Variants in PLCL1 observed in about 807,000 individuals in gnomAD.
PLCL1 encodes phospholipase C like 1 (inactive).
PLCL1 carries 41 observed loss-of-function variants against 84.4 expected under a neutral mutation model. The ratio of observed to expected loss-of-function variants is 0.49; its 90% CI spans 0.38 to 0.63. The LOEUF (loss-of-function observed/expected upper bound fraction) is 0.63. PLCL1 is among the 30% of genes least tolerant of loss of function. PLCL1 has a pLI of 0.00. For missense variants in PLCL1, 1,206 were observed against 1,367.8 expected, an observed-to-expected ratio of 0.88 and a Z score of 1.87; for synonymous variants, 490 against 488.3, an observed-to-expected ratio of 1.00 and a Z score of -0.05.
intron 1 of PLCL1, among the ~76,000 whole-genome samples, chr2:197,958,375 C>T (rs146386160): frequency 3.4e-5 from 5 of 147,426 alleles, no homozygotes; most frequent in Middle Eastern, 3.5e-3. Context: ...AAAAAAGAAT[C>T]GCAAAAAAAA....
rs1689291271 is a variant in PLCL1, at chr2:197,947,125, T to TTC, written c.241-136633_241-136632insTC. 3.3e-5 allele frequency among the ~76,000 whole-genome samples: 5 copies of TTC among 152,054 alleles called. No homozygotes were observed. In the South Asian group the frequency reaches 8.3e-4, roughly 25 times the overall value. On this transcript the variant is annotated intron_variant, in intron 1 of 5. Coordinates refer to ENST00000428675, the MANE Select transcript of PLCL1 (RefSeq NM_006226.4). ...GGTGAACATACGTTTTCATGGAGCT[T>TTC]ATCTTTTAGGGGAGTGAGGACAGAT...
intron 5 of PLCL1, among the ~76,000 whole-genome samples, chr2:198,120,846 G>C (rs1340967955): frequency 3.3e-5 from 5 of 152,066 alleles, no homozygotes; most frequent in Admixed American, 3.3e-4. Context: ...AAGTGGGATT[G>C]CTGGATTGTA....
At chr2:198,086,265 C>G in intron 2 of PLCL1, 33 bp downstream of exon 2, 1 of 1,365,848 alleles carries the variant, frequency 7.3e-7, no homozygotes, top group Non-Finnish European at 1.0e-6. Context: ...CCTTCCCTAT[C>G]CCTGCTTATT....
intron 1 of PLCL1, among the ~76,000 whole-genome samples, chr2:197,945,586 G>A (rs755958928): frequency 2.0e-5 from 3 of 152,162 alleles, no homozygotes; most frequent in South Asian, 2.1e-4. Flanking sequence ...CTTGAGTGCC[G>A]TGGTCCCAGA....
intron 1 of PLCL1, among the ~76,000 whole-genome samples, chr2:197,866,108 CTATATATATATATAA>C (rs1559029470): frequency 0.011 from 171 of 14,972 alleles, 48 homozygotes; most frequent in Admixed American, 0.017. Flanking sequence ...TATATATAAA[CTATATATATATATAA>C]ACTATATATA....
chr2:198,004,531 C>T (rs191157393), intron 1 of PLCL1, among the ~76,000 whole-genome samples: 5 of 151,964 alleles, frequency 3.3e-5, no homozygotes, highest in Admixed American at 2.6e-4. Context: ...AAGTCAAGTT[C>T]GTGATGTATT....
At chr2:197,828,316 AC>A (rs1429275305) in intron 1 of PLCL1, among the ~76,000 whole-genome samples, 4 of 152,110 alleles carry the variant, frequency 2.6e-5, no homozygotes, top group African/African-American at 4.8e-5. Flanking sequence ...TATTATTGAG[AC>A]GTTTTGATGA....
At chr2:197,902,132 G>T (rs1213740096) in intron 1 of PLCL1, among the ~76,000 whole-genome samples, 1 of 152,092 alleles carries the variant, frequency 6.6e-6, no homozygotes, top group Non-Finnish European at 1.5e-5. Flanking sequence ...ACTGGCTGTG[G>T]CTCCAGAGAC....
chr2:198,048,546 C>A (rs1691858140), intron 1 of PLCL1, among the ~76,000 whole-genome samples: 1 of 152,176 alleles, frequency 6.6e-6, no homozygotes, highest in Admixed American at 6.5e-5. Flanking sequence ...AACTTCCAGT[C>A]ATGCAGAAGG....
rs78692581 is a variant in PLCL1, at chr2:198,051,363, T to C, written c.241-32395T>C. Among the ~76,000 whole-genome samples the C allele has an allele frequency of 9.1e-3, 1,393 of 152,332 alleles. 24 individuals carry two copies. The highest frequency in any genetic ancestry group is 0.032 in the African/African-American group (1,328 of 41,566). On this transcript the variant is annotated intron_variant, in intron 1 of 5. Transcript: ENST00000428675. Reference sequence around the variant, plus strand: ...ATACTCTATATCCAGCTTCCCCTAATGCTAACATATTACAGTTTTAGATTT... The same window carrying C: ...ATACTCTATATCCAGCTTCCCCTAACGCTAACATATTACAGTTTTAGATTT...
intron 1 of PLCL1, among the ~76,000 whole-genome samples, chr2:197,899,348 A>G (rs1574938612): frequency 6.6e-6 from 1 of 152,132 alleles, no homozygotes; most frequent in African/African-American, 2.4e-5. Context: ...CACATCTAGG[A>G]TGCTTTAGAG....
chr2:197,931,978 A>C (rs73056845), intron 1 of PLCL1, among the ~76,000 whole-genome samples: 2,785 of 152,314 alleles, frequency 0.018, 76 homozygotes, highest in African/African-American at 0.061. Flanking sequence ...AATATCCTGC[A>C]TAGAGCAGAA....
intron 1 of PLCL1, among the ~76,000 whole-genome samples, chr2:198,038,763 G>A (rs578174241): frequency 1.9e-4 from 28 of 148,788 alleles, no homozygotes; most frequent in South Asian, 8.4e-4. Context: ...GTTTATAAAA[G>A]CAGTTAAGCA....
At chr2:198,018,932 A>G in intron 1 of PLCL1, among the ~76,000 whole-genome samples, 1 of 152,190 alleles carries the variant, frequency 6.6e-6, no homozygotes, top group Non-Finnish European at 1.5e-5. Flanking sequence ...GTGCCTTCTG[A>G]CGGGGAAATA....
At chr2:197,911,291 A>G (rs1688479548) in intron 1 of PLCL1, among the ~76,000 whole-genome samples, 1 of 152,110 alleles carries the variant, frequency 6.6e-6, no homozygotes, top group African/African-American at 2.4e-5. Flanking sequence ...GAGCTGTGAT[A>G]GTACCACTGA....
Position 197,899,635 on chromosome 2 carries a change from C to CTTTT in PLCL1, c.240+94299_240+94300insTTTT, listed in dbSNP as rs200198349. Among the ~76,000 whole-genome samples, 16 of 139,184 alleles carry CTTTT rather than the reference C, an allele frequency of 1.1e-4. 2 individuals carry two copies. The highest frequency in any genetic ancestry group is 1.9e-4 in the African/African-American group (7 of 37,020). The allele number at this position is 139,184 out of a possible 152,430, so 91.3% of individuals were successfully genotyped here. A position where few individuals can be genotyped will look rare whatever the true frequency, so the allele number is the denominator to read the frequency against. ...CAGGGCCTTGGCACATGAGTTCTTT[C>CTTTT]TTTCTTTTTTTTTTTTTTGAGACGG... On this transcript the variant is annotated intron_variant, in intron 1 of 5. Transcript: ENST00000428675.
chr2:197,880,599 C>T (rs1284145604), intron 1 of PLCL1, among the ~76,000 whole-genome samples: 1 of 152,070 alleles, frequency 6.6e-6, no homozygotes, highest in African/African-American at 2.4e-5. Context: ...GCAATCTACT[C>T]CAAAAGAAAT....
At chr2:197,977,154 T>A (rs537026652) in intron 1 of PLCL1, among the ~76,000 whole-genome samples, 47 of 152,334 alleles carry the variant, frequency 3.1e-4, no homozygotes, top group African/African-American at 1.1e-3. Flanking sequence ...TGAATCTTGA[T>A]TTTTGTTAAC....
chr2:198,016,943 A>G (rs1038878777), intron 1 of PLCL1, among the ~76,000 whole-genome samples: 7 of 152,200 alleles, frequency 4.6e-5, no homozygotes, highest in Non-Finnish European at 1.0e-4. Flanking sequence ...TCTCAAAGTT[A>G]GAGACCATGA....
Sources: allele counts gnomAD v4.1 joint callset (sites outside exome capture counted in the v4.1 genomes callset), GRCh38; gene constraint gnomAD v4.1.1; transcripts MANE v1.5; gene names NCBI Gene and HGNC (gene_info 2026-07-23, HGNC 2026-07-21).